MANBA: variants seen among roughly 807,000 people sequenced by gnomAD.
The protein encoded by MANBA is beta-mannosidase.
MANBA carries 83 observed loss-of-function variants against 111.1 expected under a neutral mutation model. That is an observed-to-expected ratio of 0.75 (90% CI 0.63 to 0.90). MANBA has a LOEUF of 0.90. MANBA is among the 40% of genes least tolerant of loss of function. The pLI is 0.00. For missense variants in MANBA, 1,036 were observed against 1,069.0 expected, an observed-to-expected ratio of 0.97 and a Z score of 0.43; for synonymous variants, 370 against 378.7, an observed-to-expected ratio of 0.98 and a Z score of 0.27.
intron 5 of MANBA, among the ~76,000 whole-genome samples, chr4:102,709,387 AAAG>A (rs1721944740): frequency 7.7e-6 from 1 of 129,970 alleles, no homozygotes; most frequent in African/African-American, 2.9e-5. Flanking sequence ...AGGAAGGAAG[AAAG>A]AAAGAAAGAA....
intron 7 of MANBA, among the ~76,000 whole-genome samples, chr4:102,675,283 T>G (rs960049700): frequency 2.6e-5 from 4 of 152,222 alleles, no homozygotes; most frequent in African/African-American, 4.8e-5. Flanking sequence ...AGTCTCTGAG[T>G]GTCAGTGGAA....
At chr4:102,700,708 G>A (rs185088258) in intron 5 of MANBA, among the ~76,000 whole-genome samples, 4,233 of 152,090 alleles carry the variant, frequency 0.028, 134 homozygotes, top group African/African-American at 0.078. Context: ...GTTTGATTGC[G>A]CTGTGGTCTG....
chr4:102,753,832 C>A, intron 1 of MANBA: 1 of 324,910 alleles, frequency 3.1e-6, no homozygotes, highest in South Asian at 2.3e-5. Context: ...CCTGTAATCC[C>A]AGCACTTTGA....
At chr4:102,681,669 A>T (rs1731983283) in intron 7 of MANBA, 1 of 152,180 alleles carries the variant, frequency 6.6e-6, no homozygotes, top group African/African-American at 2.4e-5. Flanking sequence ...TTTTATAATC[A>T]CTGTGCTATT....
rs146438029 is a variant in MANBA at position 102,641,213 on chromosome 4, T to C, written c.1870-1356A>G. Among the ~76,000 whole-genome samples the C allele has an allele frequency of 2.3e-3, 345 of 152,172 alleles. 2 individuals carry two copies. Among genetic ancestry groups the C allele is most frequent in the African/African-American group, 8.0e-3 (330 of 41,504 alleles). The stretch of plus-strand genomic sequence containing the variant: ...ACCTTCCAGAGAGGACAATACACCA[T>C]TGGAGGAGGATGCCAGGTCAGCTAA... On this transcript the variant is annotated intron_variant, in intron 13 of 16. Transcript: ENST00000647097.
intron 1 of MANBA, among the ~76,000 whole-genome samples, chr4:102,757,504 T>C (rs1724072444): frequency 6.6e-6 from 1 of 152,016 alleles, no homozygotes; most frequent in Admixed American, 6.6e-5. Context: ...CCAGCTCAGA[T>C]AAAAAAAATC....
At chr4:102,704,979 T>C (rs1363133247) in intron 5 of MANBA, among the ~76,000 whole-genome samples, 2 of 152,214 alleles carry the variant, frequency 1.3e-5, no homozygotes, top group East Asian at 1.9e-4. Flanking sequence ...AGCTTCAAGA[T>C]GGCTGACTAG....
In MANBA at chr4:102,693,659, A is replaced by C. The variant is rs138177470; in HGVS notation, c.674-2888T>G. 6.6e-5 allele frequency among the ~76,000 whole-genome samples: 10 copies of C among 152,300 alleles called. No individual in the cohort carries two copies. In the East Asian group the frequency reaches 1.7e-3, roughly 26 times the overall value. The stretch of plus-strand genomic sequence containing the variant: ...GCCAGAGCAGACTAACTTAATAGTC[A>C]TGCTCATTTGTTTACTTATTGTCTT... On this transcript the variant is annotated intron_variant, in intron 5 of 16. Coordinates refer to ENST00000647097, the MANE Select transcript of MANBA (RefSeq NM_005908.4).
intron 5 of MANBA, among the ~76,000 whole-genome samples, chr4:102,695,425 C>A (rs1450013855): frequency 6.6e-6 from 1 of 152,130 alleles, no homozygotes; most frequent in Admixed American, 6.6e-5. Flanking sequence ...CTGAACCTTG[C>A]TTTAATTGAT....
At chr4:102,689,467 G>A in intron 7 of MANBA, 107 bp downstream of exon 7, 2 of 689,536 alleles carry the variant, frequency 2.9e-6, no homozygotes, top group Admixed American at 2.6e-5. Flanking sequence ...TCTGATGGGT[G>A]GGGACACAAG....
At chr4:102,724,005 A>G (rs770286150) in intron 2 of MANBA, 38 bp from the exon 3 acceptor site, 1 of 1,113,540 alleles carries the variant, frequency 9.0e-7, no homozygotes, top group Non-Finnish European at 1.4e-6. Flanking sequence ...AAGATGTGTA[A>G]AGCATTAACT....
intron 1 of MANBA, among the ~76,000 whole-genome samples, chr4:102,744,950 C>G (rs1025178400): frequency 2.0e-5 from 3 of 152,180 alleles, no homozygotes; most frequent in Non-Finnish European, 2.9e-5. Flanking sequence ...GGGGGTTTGG[C>G]TACCTGCTAC....
Position 102,673,965 on chromosome 4 carries a change from T to G in MANBA, c.1066A>C (p.Asn356His). ...TGGAATGAATCTGCTGGGATCCAGT[T>G]TGAGCCTTTTAGAAATATGGGAAAT... ...NGFPIFLKGS[N>H]WIPADSFQDR... Residue 356 changes from asparagine to histidine, a missense_variant, in exon 8 of 17, where the codon AAC (asparagine) becomes CAC (histidine). Physicochemically the swap from Asn to His is moderately conservative, Grantham distance 68. Coordinates refer to ENST00000647097, the MANE Select transcript of MANBA (RefSeq NM_005908.4). 1 of 1,611,478 alleles carries G rather than the reference T, an allele frequency of 6.2e-7. No individual in the cohort carries two copies. Among genetic ancestry groups the G allele is most frequent in the Non-Finnish European group, 8.5e-7 (1 of 1,177,630 alleles).
At chr4:102,658,598 G>A (rs1292998616) in intron 11 of MANBA, among the ~76,000 whole-genome samples, 1 of 152,216 alleles carries the variant, frequency 6.6e-6, no homozygotes, top group Non-Finnish European at 1.5e-5. Context: ...TCATGTGAAA[G>A]TAATGGCTAG....
At chr4:102,702,373 C>T (rs1015612976) in intron 5 of MANBA, among the ~76,000 whole-genome samples, 4 of 152,178 alleles carry the variant, frequency 2.6e-5, no homozygotes, top group Admixed American at 6.5e-5. Context: ...AGTCATTCTC[C>T]GTCCAGCTTT....
chr4:102,714,500 T>A lies in MANBA; in HGVS notation c.611A>T (p.Asp204Val), dbSNP rs749420521. Reference protein sequence around the residue: ...PSFPTQGIWKDVRIEAYNICH... With the variant: ...PSFPTQGIWKVVRIEAYNICH... Reference sequence around the variant, plus strand: ...AATATTATAGGCTTCAATTCTAACATCTTTCCAGATTCCCTGGGTAGGAAA... The same window carrying A: ...AATATTATAGGCTTCAATTCTAACAACTTTCCAGATTCCCTGGGTAGGAAA... Residue 204 changes from aspartate (D) to valine (V), a missense_variant, in exon 5 of 17, where the codon GAT becomes GTT. By Grantham distance (152) the Asp-to-Val change is radical (BLOSUM62 -3). Transcript: ENST00000647097. 5 of 1,604,142 alleles carry A rather than the reference T, an allele frequency of 3.1e-6. No homozygotes were observed. In the South Asian group the frequency reaches 5.5e-5, roughly 18 times the overall value.
chr4:102,649,777 T>G (rs2110202334), intron 13 of MANBA, among the ~76,000 whole-genome samples: 1 of 152,302 alleles, frequency 6.6e-6, no homozygotes, highest in South Asian at 2.1e-4. Flanking sequence ...TCTTTTCTAG[T>G]TAGTGCTTTT....
chr4:102,747,158 G>GATATATATAT (rs144093849), intron 1 of MANBA, among the ~76,000 whole-genome samples: 5 of 145,412 alleles, frequency 3.4e-5, no homozygotes, highest in African/African-American at 1.3e-4. Context: ...GAACTAATGG[G>GATATATATAT]ATATATATAT....
chr4:102,674,074 C>T lies in MANBA; in HGVS notation c.961-4G>A. ...GTTCCACTGTCCTAAAATAAACCTG[C>T]AATGAACAGAATTAAATGATGAATA... On this transcript the variant is annotated splice_polypyrimidine_tract_variant and splice_region_variant and intron_variant, in intron 7 of 16. Coordinates refer to ENST00000647097, the MANE Select transcript of MANBA (RefSeq NM_005908.4). The T allele has an allele frequency of 6.3e-7, 1 of 1,589,614 alleles. No homozygotes were observed. Among genetic ancestry groups the T allele is most frequent in the Non-Finnish European group, 8.6e-7 (1 of 1,158,186 alleles).
Sources: gnomAD v4.1 joint callset for allele counts (sites outside exome capture counted in the v4.1 genomes callset) on GRCh38, gnomAD v4.1.1 for gene constraint, MANE v1.5 for transcripts, NCBI Gene and HGNC (gene_info 2026-07-23, HGNC 2026-07-21) for gene names.